ADARB2: variants seen among roughly 807,000 people sequenced by gnomAD.
ADARB2 encodes adenosine deaminase RNA specific B2 (inactive), also known as inactive double-stranded RNA-specific editase B2.
Under a neutral mutation model 62.2 loss-of-function variants are expected in ADARB2, and 25 were observed. The observed-to-expected ratio is 0.40, with a 90% CI of 0.29 to 0.56. ADARB2 has a LOEUF of 0.56. Among genes scored for constraint, ADARB2 ranks in the 20% least tolerant of loss-of-function variants. ADARB2 has a pLI of 0.43. For synonymous variants in ADARB2, 572 were observed against 500.8 expected (o/e 1.14, Z -1.90); for missense variants, 1,071 against 1,077.4 (o/e 0.99, Z 0.08).
chr10:1,575,052 C>T (rs1343851420), intron 1 of ADARB2, among the ~76,000 whole-genome samples: 6 of 152,238 alleles, frequency 3.9e-5, no homozygotes, highest in African/African-American at 1.2e-4. Flanking sequence ...TAATAGGTAA[C>T]TCAACTTCCT....
intron 1 of ADARB2, among the ~76,000 whole-genome samples, chr10:1,677,185 G>A (rs776176129): frequency 2.6e-5 from 4 of 152,224 alleles, no homozygotes; most frequent in Non-Finnish European, 5.9e-5. Context: ...CAAGATAACT[G>A]TTTCCTTCCG....
At chr10:1,726,274 T>C (rs1835163020) in intron 1 of ADARB2, among the ~76,000 whole-genome samples, 1 of 152,166 alleles carries the variant, frequency 6.6e-6, no homozygotes, top group South Asian at 2.1e-4. Context: ...GATAGATTGT[T>C]TAGATTCTAG....
chr10:1,666,208 C>G (rs1414478352), intron 1 of ADARB2, among the ~76,000 whole-genome samples: 2 of 152,240 alleles, frequency 1.3e-5, no homozygotes, highest in Non-Finnish European at 2.9e-5. Flanking sequence ...GAAGACCCCG[C>G]TGGAGCAAGT....
At chr10:1,497,833 G>GT in intron 1 of ADARB2, among the ~76,000 whole-genome samples, 1 of 108,798 alleles carries the variant, frequency 9.2e-6, no homozygotes, top group South Asian at 3.0e-4. Context: ...AGAATTTGAA[G>GT]GGGGTGGAGT....
At chr10:1,566,062 GCAAAAAAAAAAAAAAAAAAAAAAAA>G (rs1832857588) in intron 1 of ADARB2, among the ~76,000 whole-genome samples, 2 of 34,010 alleles carry the variant, frequency 5.9e-5, no homozygotes, top group Admixed American at 5.3e-4. Context: ...GCTCAGTCTA[GCAAAAAAAAAAAAAAAAAAAAAAAA>G]AAAAAAAAAA....
chr10:1,251,851 C>A (rs745423313), intron 4 of ADARB2, among the ~76,000 whole-genome samples: 11 of 152,174 alleles, frequency 7.2e-5, no homozygotes, highest in Non-Finnish European at 1.3e-4. Flanking sequence ...TGTGAGGATA[C>A]AGTGTTCCTC....
intron 3 of ADARB2, among the ~76,000 whole-genome samples, chr10:1,299,533 G>A (rs1039551593): frequency 2.0e-5 from 3 of 152,146 alleles, no homozygotes; most frequent in African/African-American, 4.8e-5. Flanking sequence ...ATGCAAATGA[G>A]AACTCTGCCC....
At chr10:1,408,288 C>T (rs1832723763) in intron 1 of ADARB2, among the ~76,000 whole-genome samples, 1 of 152,198 alleles carries the variant, frequency 6.6e-6, no homozygotes, top group African/African-American at 2.4e-5. Flanking sequence ...ATATATCCCA[C>T]AGCATGGTCG....
At chr10:1,662,241 G>A (rs1834257793) in intron 1 of ADARB2, among the ~76,000 whole-genome samples, 1 of 152,164 alleles carries the variant, frequency 6.6e-6, no homozygotes, top group South Asian at 2.1e-4. Context: ...TGGAGGTGAG[G>A]GGAGCCCGGT....
At chr10:1,554,055 A>G (rs1475439578) in intron 1 of ADARB2, among the ~76,000 whole-genome samples, 1 of 152,224 alleles carries the variant, frequency 6.6e-6, no homozygotes, top group East Asian at 1.9e-4. Flanking sequence ...CCTGGGTCCC[A>G]CAGCCCAGGG....
chr10:1,258,787 C>T (rs1831104642), intron 4 of ADARB2, among the ~76,000 whole-genome samples: 6 of 152,176 alleles, frequency 3.9e-5, no homozygotes. Context: ...CTCAGCTCTG[C>T]ACCAAGCAGA....
At chr10:1,718,579 A>T (rs1835050701) in intron 1 of ADARB2, among the ~76,000 whole-genome samples, 1 of 152,182 alleles carries the variant, frequency 6.6e-6, no homozygotes, top group South Asian at 2.1e-4. Flanking sequence ...ATGTCTGAGC[A>T]TTGCCCCTGT....
rs566678539 is a variant in ADARB2 at position 1,221,566 on chromosome 10, C to T, written c.1514-4447G>A. On this transcript the variant is annotated intron_variant, in intron 6 of 9. Coordinates refer to ENST00000381312, the MANE Select transcript of ADARB2 (RefSeq NM_018702.4). ...ATATCTCCTAATGCTATCCCTCCCC[C>T]CTCACCCCACCCCACCACAGTCCCC... 1.1e-3 allele frequency among the ~76,000 whole-genome samples: 165 copies of T among 151,868 alleles called. 1 individual carries two copies. Among genetic ancestry groups the T allele is most frequent in the Middle Eastern group, 3.4e-3 (1 of 294 alleles).
chr10:1,240,684 A>G (rs903825312), intron 5 of ADARB2, among the ~76,000 whole-genome samples: 1 of 152,094 alleles, frequency 6.6e-6, no homozygotes, highest in Non-Finnish European at 1.5e-5. Flanking sequence ...TTCCCCATGC[A>G]GGGCAGGCGT....
At chr10:1,360,634 G>A (rs370813855) in intron 3 of ADARB2, among the ~76,000 whole-genome samples, 5 of 152,286 alleles carry the variant, frequency 3.3e-5, no homozygotes, top group East Asian at 3.9e-4. Context: ...CCCAGCCCCC[G>A]CCCAGCTGTG....
At chr10:1,241,075 G>A (rs566410175) in intron 5 of ADARB2, among the ~76,000 whole-genome samples, 14 of 152,218 alleles carry the variant, frequency 9.2e-5, no homozygotes, top group East Asian at 3.9e-4. Context: ...GTTTGACAAC[G>A]TGATGAAACC....
intron 1 of ADARB2, among the ~76,000 whole-genome samples, chr10:1,608,799 A>AGAAAG (rs1833529769): frequency 6.7e-6 from 1 of 148,432 alleles, no homozygotes; most frequent in Non-Finnish European, 1.5e-5. Context: ...AAAGAAAGAA[A>AGAAAG]AGCAAGGGAG....
intron 1 of ADARB2, among the ~76,000 whole-genome samples, chr10:1,555,199 G>A (rs534382517): frequency 2.4e-4 from 36 of 152,280 alleles, no homozygotes; most frequent in South Asian, 8.3e-4. Context: ...TGCCTTTGTG[G>A]TAGGATGATT....
intron 1 of ADARB2, among the ~76,000 whole-genome samples, chr10:1,630,878 C>T (rs1476313788): frequency 6.6e-6 from 1 of 151,916 alleles, no homozygotes; most frequent in Admixed American, 6.6e-5. Flanking sequence ...TCACTTGAAC[C>T]CAGGAGATGG....
Sources: gnomAD v4.1 joint callset for allele counts (sites outside exome capture counted in the v4.1 genomes callset) on GRCh38, gnomAD v4.1.1 for gene constraint, MANE v1.5 for transcripts, NCBI Gene and HGNC (gene_info 2026-07-23, HGNC 2026-07-21) for gene names.